FANCC: variants seen among roughly 807,000 people sequenced by gnomAD.
The protein encoded by FANCC is Fanconi anemia group C protein.
Under a neutral mutation model 71.3 loss-of-function variants are expected in FANCC, and 55 were observed. The ratio of observed to expected loss-of-function variants is 0.77; its 90% confidence interval spans 0.62 to 0.97. The LOEUF (loss-of-function observed/expected upper bound fraction) is 0.97. FANCC is among the 50% of genes least tolerant of loss of function. FANCC has a pLI of 0.00. For synonymous variants in FANCC, 275 were observed against 244.9 expected, an observed-to-expected ratio of 1.12 and a Z score of -1.15; for missense variants, 678 against 670.9, an observed-to-expected ratio of 1.01 and a Z score of -0.12.
intron 1 of FANCC, among the ~76,000 whole-genome samples, chr9:95,275,948 C>T (rs1833011325): frequency 6.6e-6 from 1 of 152,098 alleles, no homozygotes; most frequent in South Asian, 2.1e-4. Flanking sequence ...GAGTGGATCT[C>T]AGTTACACCT....
intron 1 of FANCC, chr9:95,294,266 C>A: frequency 6.3e-7 from 1 of 1,578,144 alleles, no homozygotes; most frequent in Non-Finnish European, 8.7e-7. Flanking sequence ...GAGTTCTTTT[C>A]GGCCTCACAT....
At position 95,206,370 on chromosome 9, in the gene FANCC, A is replaced by G. The variant is rs76694296; in HGVS notation, c.346-34223T>C. Among the ~76,000 whole-genome samples, 503 of 152,096 alleles carry G rather than the reference A, an allele frequency of 3.3e-3. 9 individuals carry two copies. The East Asian group carries it at 0.044, about 13-fold the overall frequency. ...ATTAAAGAGTGTGCTGGATCTCGGT[A>G]TCTGCCAGCGCGGTCTGTGCCATGT... On this transcript the variant is annotated intron_variant, in intron 4 of 14. Transcript: ENST00000289081.
At chr9:95,117,513 T>TTA in intron 10 of FANCC, 123 bp from the exon 11 acceptor site, 1 of 731,310 alleles carries the variant, frequency 1.4e-6, no homozygotes, top group Non-Finnish European at 2.4e-6. Flanking sequence ...TCAGAACACT[T>TTA]TCTTAAACAT....
intron 1 of FANCC, among the ~76,000 whole-genome samples, chr9:95,267,043 G>A (rs543070241): frequency 8.5e-5 from 13 of 152,254 alleles, no homozygotes; most frequent in African/African-American, 3.1e-4. Flanking sequence ...AAATCGATAC[G>A]AGACAGAAAC....
At chr9:95,123,705 A>G (rs773288103) in intron 10 of FANCC, 18 of 685,818 alleles carry the variant, frequency 2.6e-5, no homozygotes, top group Non-Finnish European at 4.9e-5. Flanking sequence ...TTTGATGCCT[A>G]TGTGCTTCCC....
At chr9:95,106,246 C>T (rs913751461) in intron 14 of FANCC, among the ~76,000 whole-genome samples, 2 of 152,196 alleles carry the variant, frequency 1.3e-5, no homozygotes, top group Non-Finnish European at 2.9e-5. Context: ...TGCCTACTGG[C>T]CATTTGTACA....
At chr9:95,119,204 G>A (rs1428550958) in intron 10 of FANCC, among the ~76,000 whole-genome samples, 1 of 152,140 alleles carries the variant, frequency 6.6e-6, no homozygotes, top group Non-Finnish European at 1.5e-5. Flanking sequence ...TTTTTTGAAA[G>A]TATATATTCA....
intron 1 of FANCC, chr9:95,293,220 T>C: frequency 1.9e-6 from 3 of 1,613,248 alleles, no homozygotes; most frequent in Non-Finnish European, 2.5e-6. Context: ...CAAAAGTTGC[T>C]TTTACCAAAG....
intron 1 of FANCC, among the ~76,000 whole-genome samples, chr9:95,304,137 C>T (rs777271311): frequency 1.3e-5 from 2 of 152,214 alleles, no homozygotes; most frequent in Admixed American, 6.5e-5. Context: ...AGAATAACTT[C>T]ACATTCAACA....
rs201867052 is a variant in FANCC, at chr9:95,254,384, C to T, written c.-78-5015G>A. ...GCATTTCCAACTGAGGTACCCGGCT[C>T]ATCTCACTGGGACTGGTTAGACAGT... On this transcript the variant is annotated intron_variant, in intron 1 of 14. Transcript: ENST00000289081. Among the ~76,000 whole-genome samples, 5 of 152,216 alleles carry T rather than the reference C, an allele frequency of 3.3e-5. No individual in the cohort carries two copies. In the East Asian group the frequency reaches 9.6e-4, roughly 29 times the overall value.
At chr9:95,271,927 CTTTTTTTTTTTTTTTT>C (rs869093626) in intron 1 of FANCC, among the ~76,000 whole-genome samples, 1 of 50,480 alleles carries the variant, frequency 2.0e-5, no homozygotes, top group Non-Finnish European at 3.6e-5. Context: ...CAAGCCTCTT[CTTTTTTTTTTTTTTTT>C]TTTTTTTTTT....
chr9:95,149,774 T>TG, intron 7 of FANCC, 149 bp downstream of exon 7: 1 of 940,446 alleles, frequency 1.1e-6, no homozygotes, highest in Non-Finnish European at 1.7e-6. Flanking sequence ...CCACCACACC[T>TG]GGCCGGGATA....
In FANCC at chr9:95,164,915, GT is replaced by G. The variant is rs997554219; in HGVS notation, c.521+6163del. ...TCTCCAGTGAAGCCATCTGGTCCTG[GT>G]TTTTTTCTTTGTTGGAAGGTTCTGA... On this transcript the variant is annotated intron_variant, in intron 6 of 14. Transcript: ENST00000289081. Among the ~76,000 whole-genome samples, 20 of 152,044 alleles carry G rather than the reference GT, an allele frequency of 1.3e-4. 1 individual carries two copies. In the East Asian group the frequency reaches 2.3e-3, roughly 18 times the overall value.
chr9:95,224,941 C>A (rs985359264), intron 4 of FANCC, among the ~76,000 whole-genome samples: 7 of 152,140 alleles, frequency 4.6e-5, no homozygotes, highest in Non-Finnish European at 8.8e-5. Flanking sequence ...TTTAAAAGAC[C>A]TGGAAATCAT....
chr9:95,306,388 C>G (rs1835070513), intron 1 of FANCC, among the ~76,000 whole-genome samples: 1 of 152,152 alleles, frequency 6.6e-6, no homozygotes, highest in South Asian at 2.1e-4. Context: ...GGGCAGTATT[C>G]AAAGATTACA....
intron 10 of FANCC, among the ~76,000 whole-genome samples, chr9:95,120,534 C>G (rs1023512896): frequency 6.6e-6 from 1 of 152,072 alleles, no homozygotes; most frequent in Non-Finnish European, 1.5e-5. Flanking sequence ...CCCACTTCAC[C>G]CCCCGAGTAG....
rs754604606 is a variant in FANCC at position 95,111,511 on chromosome 9, G to A, written c.1281C>T (p.Ala427=). 8.1e-6 allele frequency: 13 copies of A among 1,613,988 alleles called. No homozygotes were observed. The highest frequency in any genetic ancestry group is 1.1e-5 in the Non-Finnish European group (13 of 1,180,042). Residue 427 remains alanine, a synonymous_variant, in exon 13 of 15, where the codon GCC becomes GCT. Coordinates refer to ENST00000289081, the MANE Select transcript of FANCC (RefSeq NM_000136.3). ...TCCCATCACGGGGGCCGTAGTAGAA[G>A]GCCAAGAGCCACAGCAGGGCCGTGG... ...EPPTALLWLL[A]FYYGPRDGRQ...
At chr9:95,282,232 A>G (rs912374742) in intron 1 of FANCC, among the ~76,000 whole-genome samples, 8 of 152,130 alleles carry the variant, frequency 5.3e-5, no homozygotes, top group African/African-American at 1.9e-4. Context: ...CTTCACACAA[A>G]TGGAAACCAA....
intron 7 of FANCC, among the ~76,000 whole-genome samples, chr9:95,141,174 T>C (rs1010825052): frequency 1.4e-4 from 21 of 151,884 alleles, no homozygotes; most frequent in African/African-American, 4.8e-4. Context: ...TAGCAAGGCA[T>C]GGTGGCACAT....
Sources: gnomAD v4.1 joint callset for allele counts (sites outside exome capture counted in the v4.1 genomes callset) on GRCh38, gnomAD v4.1.1 for gene constraint, MANE v1.5 for transcripts, NCBI Gene and HGNC (gene_info 2026-07-23, HGNC 2026-07-21) for gene names.